The following SPRED2 variants were observed in gnomAD, a reference collection of about 807,000 sequenced individuals.
SPRED2 encodes sprouty-related, EVH1 domain-containing protein 2.
In SPRED2, 47 loss-of-function variants were observed where a neutral mutation model predicts 43.0. The observed-to-expected ratio is 1.09, with a 90% confidence interval of 0.87 to 1.40. The LOEUF is 1.40. SPRED2 is among the 40% of genes most tolerant of loss of function. The probability of loss-of-function intolerance (pLI) is 0.00; values close to 1 mark genes in which losing one functional copy is unlikely to be tolerated. For synonymous variants in SPRED2, 225 were observed against 225.7 expected, an observed-to-expected ratio of 1.00 and a Z score of 0.03; for missense variants, 561 against 586.4, an observed-to-expected ratio of 0.96 and a Z score of 0.45.
chr2:65,410,784 CA>C (rs1676139578), intron 1 of SPRED2, among the ~76,000 whole-genome samples: 1 of 151,718 alleles, frequency 6.6e-6, no homozygotes, highest in Non-Finnish European at 1.5e-5. Context: ...AATTGGTTCC[CA>C]ATCAAAAAAG....
rs573421304 is a variant in SPRED2 at position 65,382,113 on chromosome 2, G to C, written c.27-37217C>G. ...TGGTTTCTGAGATGGTCCTGCAGAG[G>C]AAGGGTTAAAAGGCAGCTACTGGAG... On this transcript the variant is annotated intron_variant, in intron 1 of 5. Coordinates refer to ENST00000356388, the MANE Select transcript of SPRED2 (RefSeq NM_181784.3). Among the ~76,000 whole-genome samples the C allele has an allele frequency of 3.8e-3, 586 of 152,304 alleles. 2 individuals carry two copies. Among genetic ancestry groups the C allele is most frequent in the Non-Finnish European group, 5.7e-3 (385 of 68,038 alleles).
intron 5 of SPRED2, among the ~76,000 whole-genome samples, chr2:65,314,876 C>T (rs1276979896): frequency 3.9e-5 from 6 of 152,120 alleles, no homozygotes; most frequent in South Asian, 2.1e-4. Context: ...TGGTGAGATG[C>T]GGACAGGAGA....
chr2:65,414,264 A>G (rs938646626), intron 1 of SPRED2, among the ~76,000 whole-genome samples: 1 of 152,200 alleles, frequency 6.6e-6, no homozygotes, highest in African/African-American at 2.4e-5. Context: ...CCCTTCTCCA[A>G]ATAGGGGAAA....
chr2:65,424,075 C>T (rs567137425), intron 1 of SPRED2, among the ~76,000 whole-genome samples: 4 of 152,178 alleles, frequency 2.6e-5, no homozygotes, highest in South Asian at 4.2e-4. Flanking sequence ...AGGCATGAAC[C>T]ACCATGCCTG....
chr2:65,366,472 G>C (rs1674981499), intron 1 of SPRED2: 2 of 1,021,040 alleles, frequency 2.0e-6, no homozygotes, highest in Non-Finnish European at 2.9e-6. Flanking sequence ...ACACACTGTG[G>C]TCCTCTACAA....
intron 1 of SPRED2, among the ~76,000 whole-genome samples, chr2:65,392,788 T>A (rs373985798): frequency 1.2e-4 from 19 of 152,312 alleles, no homozygotes; most frequent in Middle Eastern, 3.4e-3. Flanking sequence ...TGAATAGGAT[T>A]AATCAGAACA....
intron 1 of SPRED2, among the ~76,000 whole-genome samples, chr2:65,430,970 C>T (rs1172896522): frequency 1.3e-5 from 2 of 152,162 alleles, no homozygotes; most frequent in African/African-American, 4.8e-5. Context: ...AGGCGTCGGG[C>T]CCCGCGGCCC....
chr2:65,323,733 G>A (rs1200272576), intron 4 of SPRED2, among the ~76,000 whole-genome samples: 5 of 151,996 alleles, frequency 3.3e-5, no homozygotes, highest in Admixed American at 3.3e-4. Flanking sequence ...AAAATTAGCT[G>A]GGCGTGGTGG....
intron 1 of SPRED2, among the ~76,000 whole-genome samples, chr2:65,382,977 T>A (rs1022339476): frequency 2.8e-4 from 42 of 152,172 alleles, no homozygotes; most frequent in Non-Finnish European, 3.5e-4. Context: ...CAGCCCCACC[T>A]CGGAAGGCCT....
chr2:65,406,402 C>G (rs150110956), intron 1 of SPRED2, among the ~76,000 whole-genome samples: 21 of 152,318 alleles, frequency 1.4e-4, no homozygotes, highest in Non-Finnish European at 2.4e-4. Context: ...ACCCTTCCCC[C>G]CAAATCAAAG....
intron 1 of SPRED2, among the ~76,000 whole-genome samples, chr2:65,356,956 T>G (rs1339861603): frequency 6.6e-6 from 1 of 152,132 alleles, no homozygotes; most frequent in Non-Finnish European, 1.5e-5. Flanking sequence ...ATCACGCTAC[T>G]GCACTCCAGC....
intron 1 of SPRED2, 108 bp from the exon 2 acceptor site, chr2:65,345,004 G>A (rs1006341860): frequency 7.1e-6 from 8 of 1,119,006 alleles, no homozygotes; most frequent in Admixed American, 2.8e-5. Flanking sequence ...TTGTTTTATC[G>A]AAAGAAATCT....
chr2:65,370,329 G>A (rs1051391604), intron 1 of SPRED2, among the ~76,000 whole-genome samples: 2 of 31,266 alleles, frequency 6.4e-5, no homozygotes, highest in Non-Finnish European at 1.2e-4. Flanking sequence ...TGTGAACAAC[G>A]ACAATGATTA....
rs994187765 is a variant in SPRED2 at position 65,311,102 on chromosome 2, T to C, written c.*2399A>G. On this transcript the variant is annotated 3_prime_UTR_variant, in exon 6 of 6. Transcript: ENST00000356388. ...TAATGTGAGCAAATAGCTTGGGGGGTCGGGGAGGCTTCTGGACAGAAAATC... is the reference window on the plus strand; with the variant it reads ...TAATGTGAGCAAATAGCTTGGGGGGCCGGGGAGGCTTCTGGACAGAAAATC... 5 of 985,522 alleles carry C rather than the reference T, an allele frequency of 5.1e-6. No individual in the cohort carries two copies. The highest frequency in any genetic ancestry group is 4.8e-6 in the Non-Finnish European group (4 of 829,914). The allele number at this position is 985,522 out of a possible 1,614,324, so 61.0% of individuals were successfully genotyped here.
At chr2:65,367,672 C>G (rs1375042307) in intron 1 of SPRED2, among the ~76,000 whole-genome samples, 2 of 152,108 alleles carry the variant, frequency 1.3e-5, no homozygotes, top group East Asian at 3.9e-4. Context: ...ACGCCTAGTG[C>G]CTTCTCCTCC....
chr2:65,313,619 GC>G lies in SPRED2; in HGVS notation c.1138del (p.Ala380LeufsTer26). 6.2e-7 allele frequency: 1 copy of G among 1,614,190 alleles called. No homozygotes were observed. The highest frequency in any genetic ancestry group is 8.5e-7 in the Non-Finnish European group (1 of 1,180,028). ...SDEKFCLRWMALIALSFLAPC... is the reference protein window; with the variant it reads ...SDEKFCLRWMXLIALSFLAPC... Reference sequence around the variant, plus strand: ...GGCCAGGAAAGACAAGGCAATAAGAGCCATCCACCGGAGGCAAAACTTCTCG... The same window carrying G: ...GGCCAGGAAAGACAAGGCAATAAGAGCATCCACCGGAGGCAAAACTTCTCG... On this transcript the variant is annotated frameshift_variant, in exon 6 of 6. Transcript: ENST00000356388. LOFTEE classifies it high-confidence loss of function.
chr2:65,335,011 C>T (rs1231170988), intron 2 of SPRED2, among the ~76,000 whole-genome samples: 3 of 152,238 alleles, frequency 2.0e-5, no homozygotes, highest in Admixed American at 6.5e-5. Context: ...CTCTTCATCA[C>T]GGTTATTCCT....
chr2:65,307,386 G>C (rs1672963618), downstream of SPRED2, among the ~76,000 whole-genome samples: 1 of 151,852 alleles, frequency 6.6e-6, no homozygotes, highest in Admixed American at 6.6e-5. Context: ...AGTAGAGATG[G>C]GGTTTCACCA....
chr2:65,392,993 C>G (rs532685746), intron 1 of SPRED2, among the ~76,000 whole-genome samples: 1 of 152,112 alleles, frequency 6.6e-6, no homozygotes, highest in East Asian at 1.9e-4. Context: ...AAAGGAACTT[C>G]GAGGAGCCTG....
Sources: gnomAD v4.1 joint callset for allele counts (sites outside exome capture counted in the v4.1 genomes callset) on GRCh38, gnomAD v4.1.1 for gene constraint, MANE v1.5 for transcripts, NCBI Gene and HGNC (gene_info 2026-07-23, HGNC 2026-07-21) for gene names.